STEAP1B: variants seen among roughly 807,000 people sequenced by gnomAD.
STEAP1B encodes STEAP family member 1B.
A neutral mutation model predicts 27.9 loss-of-function variants in STEAP1B; 13 were observed. That is an observed-to-expected ratio of 0.47 (90% CI 0.30 to 0.74). The LOEUF is 0.74. Ranked by LOEUF, STEAP1B falls within the 30% of genes least tolerant of loss-of-function variation. The pLI is 0.06. For missense variants in STEAP1B, 250 were observed against 298.7 expected (o/e 0.84, Z 1.20); for synonymous variants, 86 against 107.1 (o/e 0.80, Z 1.22).
rs1397257795 is a variant in STEAP1B at position 22,493,530 on chromosome 7, G to C, written c.391C>G (p.Leu131Val). 4 of 1,613,876 alleles carry C rather than the reference G, an allele frequency of 2.5e-6. No individual in the cohort carries two copies. Among genetic ancestry groups the C allele is most frequent in the Middle Eastern group, 1.7e-4 (1 of 6,056 alleles). ...ACAATTGCTGCTATCACACCTGGTA[G>C]GTAAACCAATGCCAAGAGAGTGATG... ...VSITLLALVY[L>V]PGVIAAIVQV... The change falls in exon 3 of 5, where the codon CTA (leucine) becomes GTA (valine). Residue 131 changes from leucine to valine, a missense_variant. Leu to Val is a conservative substitution (Grantham distance 32). Coordinates refer to ENST00000678116, the MANE Select transcript of STEAP1B (RefSeq NM_001382447.1).
At position 22,464,154 on chromosome 7, in the gene STEAP1B, TTAGAA is replaced by T. The variant is rs1785730068; in HGVS notation, c.762+28406_762+28410del. Among the ~76,000 whole-genome samples, 3 of 152,354 alleles carry T rather than the reference TTAGAA, an allele frequency of 2.0e-5. No homozygotes were observed. The South Asian group carries it at 6.2e-4, about 32-fold the overall frequency. On this transcript the variant is annotated intron_variant, in intron 4 of 4. Coordinates refer to ENST00000678116, the MANE Select transcript of STEAP1B (RefSeq NM_001382447.1). ...TGTTCATTATTCACTTGAGGTGGTATTAGAATAAATTAATATTAAAATATTTAAAT... is the reference window on the plus strand; with the variant it reads ...TGTTCATTATTCACTTGAGGTGGTATTAAATTAATATTAAAATATTTAAAT...
chr7:22,465,335 C>T (rs986041768), intron 4 of STEAP1B, among the ~76,000 whole-genome samples: 1 of 152,098 alleles, frequency 6.6e-6, no homozygotes, highest in South Asian at 2.1e-4. Context: ...CCACAGAAAG[C>T]AAAACCTCAG....
At chr7:22,475,016 G>A (rs559471912) in intron 4 of STEAP1B, among the ~76,000 whole-genome samples, 4 of 152,300 alleles carry the variant, frequency 2.6e-5, no homozygotes, top group African/African-American at 9.6e-5. Flanking sequence ...GGAAGATCAG[G>A]TCCCTGATAT....
rs1287755366 is a variant in STEAP1B at position 22,456,969 on chromosome 7, TATA to T, written c.762+35593_762+35595del. Among the ~76,000 whole-genome samples the T allele has an allele frequency of 9.4e-4, 40 of 42,678 alleles. 1 individual carries two copies. Among genetic ancestry groups the T allele is most frequent in the African/African-American group, 2.5e-3 (36 of 14,646 alleles). 28.0% of individuals were successfully genotyped at this position (42,678 alleles called of 152,430 possible). ...ATAGGCAGCTATATATATATATATA[TATA>T]TTTTTTTTTTTTTTAAGTATCCTGG... On this transcript the variant is annotated intron_variant, in intron 4 of 4. Transcript: ENST00000678116.
intron 4 of STEAP1B, among the ~76,000 whole-genome samples, chr7:22,480,599 A>G (rs1310577798): frequency 2.0e-5 from 3 of 152,228 alleles, no homozygotes; most frequent in African/African-American, 7.2e-5. Context: ...TATCCACTCT[A>G]TTGAGAAAAA....
intron 4 of STEAP1B, among the ~76,000 whole-genome samples, chr7:22,473,051 C>G (rs1285739321): frequency 6.6e-6 from 1 of 152,080 alleles, no homozygotes; most frequent in African/African-American, 2.4e-5. Flanking sequence ...GATCCTGAAG[C>G]AAGCCCAGGG....
intron 4 of STEAP1B, among the ~76,000 whole-genome samples, chr7:22,423,977 C>T (rs1382458870): frequency 1.3e-5 from 2 of 152,086 alleles, no homozygotes; most frequent in East Asian, 1.9e-4. Flanking sequence ...TGCAGTGAGC[C>T]GTGATCATGC....
At position 22,428,853 on chromosome 7, in the gene STEAP1B, T is replaced by C. The variant is rs138445403; in HGVS notation, c.763-9017A>G. Among the ~76,000 whole-genome samples, 733 of 152,286 alleles carry C rather than the reference T, an allele frequency of 4.8e-3. 2 individuals carry two copies. Among genetic ancestry groups the C allele is most frequent in the South Asian group, 9.9e-3 (48 of 4,830 alleles). ...ATACATATGACTAAGGTGAGTTTAA[T>C]GCTAGAAAATCTTTTAATGTAATTT... On this transcript the variant is annotated intron_variant, in intron 4 of 4. Transcript: ENST00000678116.
intron 4 of STEAP1B, among the ~76,000 whole-genome samples, chr7:22,436,860 T>C (rs1040609500): frequency 1.3e-5 from 2 of 152,216 alleles, no homozygotes; most frequent in African/African-American, 4.8e-5. Flanking sequence ...AACATACAGG[T>C]GCATGTGTCT....
chr7:22,458,942 G>A (rs1235222880), intron 4 of STEAP1B, among the ~76,000 whole-genome samples: 1 of 151,532 alleles, frequency 6.6e-6, no homozygotes, highest in African/African-American at 2.4e-5. Flanking sequence ...TAACAAATAA[G>A]TATCTTATAC....
At chr7:22,487,425 T>C (rs79464998) in intron 4 of STEAP1B, among the ~76,000 whole-genome samples, 5,429 of 152,078 alleles carry the variant, frequency 0.036, 195 homozygotes, top group Admixed American at 0.12. Flanking sequence ...AAACCAAGAC[T>C]TGATAGTTAG....
At chr7:22,455,956 G>C (rs1343183135) in intron 4 of STEAP1B, among the ~76,000 whole-genome samples, 2 of 152,130 alleles carry the variant, frequency 1.3e-5, no homozygotes. Context: ...GACCATCCTG[G>C]CTAACACGGT....
intron 4 of STEAP1B, among the ~76,000 whole-genome samples, chr7:22,471,005 A>G (rs1335048338): frequency 1.3e-5 from 2 of 152,186 alleles, no homozygotes; most frequent in Non-Finnish European, 2.9e-5. Flanking sequence ...TTGTACCAAT[A>G]AACGATTTCC....
chr7:22,475,057 T>G (rs1027430151), intron 4 of STEAP1B, among the ~76,000 whole-genome samples: 1 of 152,172 alleles, frequency 6.6e-6, no homozygotes, highest in Admixed American at 6.5e-5. Context: ...CCTCATAGTA[T>G]CCTCATCTCC....
At chr7:22,444,129 G>T (rs1322142341) in intron 4 of STEAP1B, among the ~76,000 whole-genome samples, 2 of 152,204 alleles carry the variant, frequency 1.3e-5, no homozygotes, top group Non-Finnish European at 2.9e-5. Flanking sequence ...AGAGGGAGTG[G>T]GTTTGAATTC....
At position 22,493,659 on chromosome 7, in the gene STEAP1B, A is replaced by G. The variant is rs373316293; in HGVS notation, c.262T>C (p.Tyr88His). The G allele has an allele frequency of 1.3e-5, 21 of 1,614,038 alleles. No individual in the cohort carries two copies. In the East Asian group the frequency reaches 4.2e-4, roughly 33 times the overall value. Reference sequence around the variant, plus strand: ...TGAATTACTTCCCTCAGAAGAGTGTAAAGAAAAGTCAGAGATGCCATAACA... The same window carrying G: ...TGAATTACTTCCCTCAGAAGAGTGTGAAGAAAAGTCAGAGATGCCATAACA... ...AAVMASLTFL[Y>H]TLLREVIHPL... is the part of the protein sequence containing the mutation. Residue 88 changes from tyrosine to histidine, a missense_variant, in exon 3 of 5, where the codon TAC becomes CAC. Coordinates refer to ENST00000678116, the MANE Select transcript of STEAP1B (RefSeq NM_001382447.1).
intron 2 of STEAP1B, among the ~76,000 whole-genome samples, chr7:22,494,534 C>T (rs1426622897): frequency 6.6e-6 from 1 of 151,818 alleles, no homozygotes. Context: ...ACTAAGACCC[C>T]AGATTTTCAG....
At chr7:22,439,118 C>A in intron 4 of STEAP1B, among the ~76,000 whole-genome samples, 1 of 152,158 alleles carries the variant, frequency 6.6e-6, no homozygotes, top group East Asian at 1.9e-4. Context: ...CCCTAATCTA[C>A]TAAAGAAGCA....
intron 4 of STEAP1B, among the ~76,000 whole-genome samples, chr7:22,435,596 A>C (rs1310902504): frequency 6.6e-6 from 1 of 152,308 alleles, no homozygotes; most frequent in Middle Eastern, 3.4e-3. Flanking sequence ...CTCCACCTTA[A>C]AGAATCTTAA....
Sources: allele counts gnomAD v4.1 joint callset (sites outside exome capture counted in the v4.1 genomes callset), GRCh38; gene constraint gnomAD v4.1.1; transcripts MANE v1.5; gene names NCBI Gene and HGNC (gene_info 2026-07-23, HGNC 2026-07-21).